Variants in FSHR observed in about 807,000 individuals in gnomAD.
The protein encoded by FSHR is follicle-stimulating hormone receptor.
Under a neutral mutation model 52.1 loss-of-function variants are expected in FSHR, and 46 were observed. The ratio of observed to expected loss-of-function variants is 0.88; its 90% CI spans 0.70 to 1.13. FSHR has a LOEUF of 1.13. Ranked by LOEUF, FSHR falls within the 50% of genes most tolerant of loss-of-function variation. The pLI, the probability that FSHR is intolerant of heterozygous loss-of-function variation, is 0.00. For missense variants in FSHR, 964 were observed against 834.6 expected (o/e 1.16, Z -1.91); for synonymous variants, 399 against 309.6 (o/e 1.29, Z -3.03).
chr2:49,063,196 A>G (rs1669376704), intron 2 of FSHR, among the ~76,000 whole-genome samples: 1 of 152,154 alleles, frequency 6.6e-6, no homozygotes, highest in South Asian at 2.1e-4. Flanking sequence ...GTCTTCTGCC[A>G]CTGTACCCTG....
At chr2:49,121,001 G>A (rs925403771) in intron 1 of FSHR, among the ~76,000 whole-genome samples, 1 of 152,234 alleles carries the variant, frequency 6.6e-6, no homozygotes, top group African/African-American at 2.4e-5. Flanking sequence ...TAGAAGTCCT[G>A]TAGAGACTTT....
chr2:48,988,613 C>T (rs896979746), intron 6 of FSHR, among the ~76,000 whole-genome samples: 6 of 152,242 alleles, frequency 3.9e-5, no homozygotes, highest in Non-Finnish European at 8.8e-5. Context: ...ATCGCCATAT[C>T]TTCCTGATTG....
chr2:49,106,470 TAC>T (rs1052060717), intron 1 of FSHR, among the ~76,000 whole-genome samples: 1 of 152,176 alleles, frequency 6.6e-6, no homozygotes, highest in African/African-American at 2.4e-5. Context: ...TCAATAATTT[TAC>T]AGTTTGGCTG....
chr2:49,091,854 G>GT (rs1418103505), intron 1 of FSHR, among the ~76,000 whole-genome samples: 5 of 152,124 alleles, frequency 3.3e-5, no homozygotes, highest in Non-Finnish European at 7.4e-5. Context: ...TATTTTGACT[G>GT]TTTTAATCCC....
chr2:48,963,160 A>T lies in FSHR; in HGVS notation c.1661T>A (p.Leu554His). The T allele has an allele frequency of 6.2e-7, 1 of 1,614,074 alleles. No homozygotes were observed. The highest frequency in any genetic ancestry group is 8.5e-7 in the Non-Finnish European group (1 of 1,180,002). ...VICGCYIHIY[L>H]TVRNPNIVSS... is the part of the protein sequence containing the mutation. ...CACGATGTTGGGGTTCCGCACTGTG[A>T]GGTAGATGTGGATATAGCAGCCACA... Residue 554 changes from leucine to histidine, a missense_variant, in exon 10 of 10, where the codon CTC becomes CAC. Transcript: ENST00000406846.
At chr2:49,091,670 C>T (rs1280209877) in intron 1 of FSHR, among the ~76,000 whole-genome samples, 6 of 152,242 alleles carry the variant, frequency 3.9e-5, no homozygotes, top group South Asian at 2.1e-4. Context: ...TGATGAATTA[C>T]GTTAGATTTC....
rs571731995 is a variant in FSHR at position 49,089,288 on chromosome 2, A to G, written c.153-20998T>C. On this transcript the variant is annotated intron_variant, in intron 1 of 9. Transcript: ENST00000406846. Reference sequence around the variant, plus strand: ...GGAATGAAAGCATTTTCTTTTCAGCATTGTTTCTTTCAAATATGAACCAGA... The same window carrying G: ...GGAATGAAAGCATTTTCTTTTCAGCGTTGTTTCTTTCAAATATGAACCAGA... Among the ~76,000 whole-genome samples, 4 of 152,258 alleles carry G rather than the reference A, an allele frequency of 2.6e-5. No homozygotes were observed. In the East Asian group the frequency reaches 5.8e-4, roughly 22 times the overall value.
intron 2 of FSHR, among the ~76,000 whole-genome samples, chr2:49,034,296 A>G (rs928705735): frequency 1.3e-5 from 2 of 152,158 alleles, no homozygotes; most frequent in Admixed American, 6.5e-5. Flanking sequence ...GAGGCCTTGG[A>G]TTTTCAGAGT....
At chr2:48,991,182 C>T (rs1210323658) in intron 4 of FSHR, among the ~76,000 whole-genome samples, 1 of 152,058 alleles carries the variant, frequency 6.6e-6, no homozygotes, top group Admixed American at 6.5e-5. Flanking sequence ...ATTTCTATAG[C>T]TGAAAATTTC....
intron 2 of FSHR, among the ~76,000 whole-genome samples, chr2:49,023,939 G>C (rs1342616811): frequency 3.9e-5 from 6 of 152,130 alleles, no homozygotes; most frequent in Admixed American, 2.6e-4. Context: ...ATTTGATGGA[G>C]GGTTGGGGTA....
chr2:49,138,902 A>G (rs1290062820), intron 1 of FSHR, among the ~76,000 whole-genome samples: 1 of 152,138 alleles, frequency 6.6e-6, no homozygotes, highest in Non-Finnish European at 1.5e-5. Context: ...GTGGAATTCT[A>G]ATGCTCGTAA....
At chr2:49,127,326 TAAG>T (rs1672038606) in intron 1 of FSHR, among the ~76,000 whole-genome samples, 1 of 108,504 alleles carries the variant, frequency 9.2e-6, no homozygotes, top group Admixed American at 1.1e-4. Flanking sequence ...AGACTTTGTC[TAAG>T]AAAAAAAAAA....
At chr2:49,095,102 AT>A (rs1226395117) in intron 1 of FSHR, among the ~76,000 whole-genome samples, 2 of 152,118 alleles carry the variant, frequency 1.3e-5, no homozygotes, top group Non-Finnish European at 2.9e-5. Context: ...AGCTGCTTTT[AT>A]TTTTCTTGGC....
At chr2:49,131,976 A>T (rs1285502497) in intron 1 of FSHR, among the ~76,000 whole-genome samples, 1 of 151,980 alleles carries the variant, frequency 6.6e-6, no homozygotes, top group African/African-American at 2.4e-5. Context: ...TGCCCATCCT[A>T]TCCTTATGTT....
intron 4 of FSHR, among the ~76,000 whole-genome samples, chr2:49,002,872 T>C (rs1012496314): frequency 6.6e-6 from 1 of 152,094 alleles, no homozygotes; most frequent in African/African-American, 2.4e-5. Flanking sequence ...CCCTGATGTC[T>C]TGCTAAGTGA....
intron 1 of FSHR, among the ~76,000 whole-genome samples, chr2:49,077,970 A>G (rs1367613616): frequency 6.6e-6 from 1 of 152,022 alleles, no homozygotes; most frequent in Non-Finnish European, 1.5e-5. Context: ...ACTTTCCCAC[A>G]TTTTCCTGTC....
chr2:48,986,824 TG>T (rs1357181879), intron 6 of FSHR, among the ~76,000 whole-genome samples: 2 of 152,214 alleles, frequency 1.3e-5, no homozygotes, highest in African/African-American at 4.8e-5. Context: ...TAAAGTGCTT[TG>T]CCTTCTGTCT....
chr2:49,087,098 T>TA (rs1553342898), intron 1 of FSHR, among the ~76,000 whole-genome samples: 1 of 146,958 alleles, frequency 6.8e-6, no homozygotes, highest in Non-Finnish European at 1.5e-5. Context: ...TTTTTTTTTT[T>TA]ACAAAGCTAC....
intron 2 of FSHR, among the ~76,000 whole-genome samples, chr2:49,049,592 A>C (rs989352436): frequency 2.6e-4 from 40 of 152,050 alleles, no homozygotes; most frequent in Non-Finnish European, 8.8e-5. Context: ...TATGACATAC[A>C]TCTTTATTAC....
Sources: gnomAD v4.1 joint callset for allele counts (sites outside exome capture counted in the v4.1 genomes callset) on GRCh38, gnomAD v4.1.1 for gene constraint, MANE v1.5 for transcripts, NCBI Gene and HGNC (gene_info 2026-07-23, HGNC 2026-07-21) for gene names.